The following PEBP4 variants were observed in gnomAD, a reference collection of about 807,000 sequenced individuals.
PEBP4 encodes phosphatidylethanolamine-binding protein 4.
Under a neutral mutation model 23.9 loss-of-function variants are expected in PEBP4, and 22 were observed. The ratio of observed to expected loss-of-function variants is 0.92; its 90% CI spans 0.66 to 1.31. PEBP4 has a LOEUF of 1.31. Ranked by LOEUF, PEBP4 falls within the 40% of genes most tolerant of loss-of-function variation. The probability of loss-of-function intolerance (pLI) is 0.00; values close to 1 mark genes in which losing one functional copy is unlikely to be tolerated. For synonymous variants in PEBP4, 112 were observed against 99.3 expected (o/e 1.13, Z -0.76); for missense variants, 324 against 281.7 (o/e 1.15, Z -1.07).
upstream of PEBP4, among the ~76,000 whole-genome samples, chr8:22,931,742 C>G (rs779901738): frequency 2.0e-5 from 3 of 152,122 alleles, no homozygotes; most frequent in Admixed American, 6.5e-5. Flanking sequence ...CACCACTATG[C>G]CCAGCTAATT....
intron 3 of PEBP4, among the ~76,000 whole-genome samples, chr8:22,822,354 A>AGTGTGTGT (rs34500729): frequency 2.9e-4 from 43 of 147,854 alleles, no homozygotes; most frequent in African/African-American, 9.1e-4. Flanking sequence ...TATATACTAA[A>AGTGTGTGT]GTGTGTGTGT....
Position 22,773,630 on chromosome 8 carries a change from C to A in PEBP4, c.357+44007G>T, listed in dbSNP as rs572959458. 2.6e-5 allele frequency among the ~76,000 whole-genome samples: 4 copies of A among 152,282 alleles called. No individual in the cohort carries two copies. The South Asian group carries it at 6.2e-4, about 24-fold the overall frequency. Reference sequence around the variant, plus strand: ...CAAAGTCATCCGCAGGCCTTCCTGGCCCCTGAGAGGGTGCTCAGGAGGGAG... The same window carrying A: ...CAAAGTCATCCGCAGGCCTTCCTGGACCCTGAGAGGGTGCTCAGGAGGGAG... On this transcript the variant is annotated intron_variant, in intron 4 of 6. Transcript: ENST00000256404.
intron 3 of PEBP4, among the ~76,000 whole-genome samples, chr8:22,830,703 TCTTTTCCTC>T (rs1181477526): frequency 3.3e-5 from 5 of 152,174 alleles, no homozygotes; most frequent in Admixed American, 2.6e-4. Context: ...TGTTCCTCCC[TCTTTTCCTC>T]CTTTTCCAAT....
intron 4 of PEBP4, among the ~76,000 whole-genome samples, chr8:22,783,069 C>G (rs1402074589): frequency 6.6e-6 from 1 of 152,224 alleles, no homozygotes; most frequent in African/African-American, 2.4e-5. Context: ...AAGCTGCACA[C>G]CTGGCTGGGT....
chr8:22,715,922 A>G (rs1804407684), intron 6 of PEBP4, among the ~76,000 whole-genome samples: 1 of 152,102 alleles, frequency 6.6e-6, no homozygotes, highest in Non-Finnish European at 1.5e-5. Flanking sequence ...CTCAGAGGAA[A>G]GCCCCTTCCT....
At chr8:22,927,317 T>C (rs1809361903) in intron 2 of PEBP4, among the ~76,000 whole-genome samples, 1 of 151,990 alleles carries the variant, frequency 6.6e-6, no homozygotes, top group African/African-American at 2.4e-5. Flanking sequence ...CCCCCCAGGT[T>C]TGGAGGGCCC....
chr8:22,807,549 T>C (rs866972486), intron 4 of PEBP4, among the ~76,000 whole-genome samples: 1 of 152,200 alleles, frequency 6.6e-6, no homozygotes, highest in African/African-American at 2.4e-5. Flanking sequence ...TCTAGAGACA[T>C]CTATAACAAT....
At chr8:22,892,067 C>T (rs536422173) in intron 3 of PEBP4, among the ~76,000 whole-genome samples, 3 of 149,716 alleles carry the variant, frequency 2.0e-5, no homozygotes, top group Non-Finnish European at 3.0e-5. Context: ...AGCAAGACTC[C>T]GTCTCAGAAA....
intron 4 of PEBP4, chr8:22,747,499 C>T (rs1174927494): frequency 1.3e-5 from 2 of 152,172 alleles, no homozygotes; most frequent in Admixed American, 6.5e-5. Context: ...TTATTGCAAG[C>T]CTCAAGGTTT....
Position 22,776,145 on chromosome 8 carries a change from G to A in PEBP4, c.357+41492C>T, listed in dbSNP as rs567348909. ...CTTAGAAAGCCTCGTGAGGGGCAGC[G>A]GTTTCTTTGAAGAACAGAATCCTGA... On this transcript the variant is annotated intron_variant, in intron 4 of 6. Transcript: ENST00000256404. Among the ~76,000 whole-genome samples the A allele has an allele frequency of 1.2e-4, 18 of 152,270 alleles. No individual in the cohort carries two copies. In the South Asian group the frequency reaches 1.7e-3, roughly 14 times the overall value.
chr8:22,895,007 A>G (rs1457091280), intron 3 of PEBP4, among the ~76,000 whole-genome samples: 2 of 152,206 alleles, frequency 1.3e-5, no homozygotes, highest in Admixed American at 1.3e-4. Flanking sequence ...CAAGGGAGAC[A>G]AGCACAAAGT....
chr8:22,762,267 A>G (rs1805524196), intron 4 of PEBP4, among the ~76,000 whole-genome samples: 1 of 152,142 alleles, frequency 6.6e-6, no homozygotes, highest in Non-Finnish European at 1.5e-5. Flanking sequence ...CTTTGCAACA[A>G]ATTCTACCAG....
intron 4 of PEBP4, among the ~76,000 whole-genome samples, chr8:22,739,154 T>C (rs1563199927): frequency 6.7e-6 from 1 of 149,182 alleles, no homozygotes; most frequent in African/African-American, 2.5e-5. Context: ...GGCTGGGCTG[T>C]ATCCGAGCAG....
intron 3 of PEBP4, among the ~76,000 whole-genome samples, chr8:22,858,806 G>T (rs1807708588): frequency 6.6e-6 from 1 of 152,154 alleles, no homozygotes; most frequent in Non-Finnish European, 1.5e-5. Flanking sequence ...AATTAGCTGG[G>T]CATGGTAGCG....
intron 3 of PEBP4, among the ~76,000 whole-genome samples, chr8:22,820,957 G>A (rs1220189004): frequency 1.3e-5 from 2 of 152,022 alleles, no homozygotes; most frequent in Non-Finnish European, 2.9e-5. Context: ...ACTTTGGGAG[G>A]CTGAGGTGGA....
chr8:22,796,838 G>C (rs777501835), intron 4 of PEBP4, among the ~76,000 whole-genome samples: 1 of 152,062 alleles, frequency 6.6e-6, no homozygotes, highest in African/African-American at 2.4e-5. Flanking sequence ...CTGCCTATTG[G>C]ATACAATGTA....
chr8:22,783,591 T>C (rs546561918), intron 4 of PEBP4, among the ~76,000 whole-genome samples: 16 of 152,168 alleles, frequency 1.1e-4, no homozygotes, highest in African/African-American at 3.9e-4. Flanking sequence ...GTCATTGTTT[T>C]CAGCGAGATC....
At chr8:22,747,427 C>T (rs1325226076) in intron 4 of PEBP4, 1 of 152,170 alleles carries the variant, frequency 6.6e-6, no homozygotes, top group Non-Finnish European at 1.5e-5. Flanking sequence ...CCTGGGTGAC[C>T]TTGGGCAAGT....
At chr8:22,771,437 T>C (rs1805715439) in intron 4 of PEBP4, among the ~76,000 whole-genome samples, 3 of 151,912 alleles carry the variant, frequency 2.0e-5, no homozygotes, top group Admixed American at 1.3e-4. Flanking sequence ...TGCAGCGAGC[T>C]GAGATCGTGC....
Sources: allele counts gnomAD v4.1 joint callset (sites outside exome capture counted in the v4.1 genomes callset), GRCh38; gene constraint gnomAD v4.1.1; transcripts MANE v1.5; gene names NCBI Gene and HGNC (gene_info 2026-07-23, HGNC 2026-07-21).